KDM2A: variants seen among roughly 807,000 people sequenced by gnomAD.
KDM2A encodes lysine-specific demethylase 2A.
KDM2A carries 3 observed loss-of-function variants against 137.3 expected under a neutral mutation model. That is an observed-to-expected ratio of 0.02 (90% CI 0.01 to 0.06). KDM2A has a LOEUF of 0.06. KDM2A is among the 10% of genes least tolerant of loss of function. The pLI, the probability that KDM2A is intolerant of heterozygous loss-of-function variation, is 1.00. For missense variants in KDM2A, 738 were observed against 1,510.6 expected (o/e 0.49, Z 8.48); for synonymous variants, 512 against 541.5 (o/e 0.95, Z 0.76).
intron 5 of KDM2A, among the ~76,000 whole-genome samples, chr11:67,188,370 G>A (rs1011937424): frequency 5.3e-5 from 8 of 151,394 alleles, no homozygotes; most frequent in Middle Eastern, 6.8e-3. Context: ...TAGTCCCAGC[G>A]ACTCGGGAGG....
chr11:67,149,783 C>A (rs1198399776), intron 2 of KDM2A, among the ~76,000 whole-genome samples: 1 of 148,502 alleles, frequency 6.7e-6, no homozygotes, highest in Non-Finnish European at 1.5e-5. Context: ...TGCGATGATA[C>A]GATCTCGGCT....
intron 5 of KDM2A, among the ~76,000 whole-genome samples, chr11:67,204,775 G>C (rs1304644089): frequency 6.6e-6 from 1 of 152,122 alleles, no homozygotes; most frequent in Non-Finnish European, 1.5e-5. Flanking sequence ...ACAGGCGTGA[G>C]CCACCAAACC....
At position 67,247,067 on chromosome 11, in the gene KDM2A, A is replaced by ATTT. The variant is rs1224405381; in HGVS notation, c.1965+952_1965+953insTTT. Among the ~76,000 whole-genome samples the ATTT allele has an allele frequency of 5.1e-3, 139 of 27,502 alleles. 1 individual carries two copies. Among genetic ancestry groups the ATTT allele is most frequent in the African/African-American group, 0.016 (106 of 6,764 alleles). 18.0% of individuals were successfully genotyped at this position (27,502 alleles called of 152,430 possible). ...TATATATATATATATATATATATAT[A>ATTT]TATATTTTTTTTTTTTTTTTTTTTT... On this transcript the variant is annotated intron_variant, in intron 15 of 20. Transcript: ENST00000529006.
rs202214740 is a variant in KDM2A, at chr11:67,231,818, G to T, written c.1337G>T (p.Arg446Leu). ...GQVWDPQCAP[R>L]KDRQVHLTHF... ...GTGTGGGATCCCCAGTGTGCTCCCC[G>T]AAAGGACAGGCAAGTGCATCTGACC... is the stretch of plus-strand genomic sequence containing the variant. The change falls in exon 12 of 21, where the codon CGA becomes CTA. Residue 446 changes from arginine (R) to leucine (L), a missense_variant. By Grantham distance (102) the Arg-to-Leu change is moderately radical. This residue lies in a region of KDM2A where 113 missense variants were observed against 133.5 expected (regional missense o/e 0.85). Coordinates refer to ENST00000529006, the MANE Select transcript of KDM2A (RefSeq NM_012308.3). 3.7e-6 allele frequency: 6 copies of T among 1,614,040 alleles called. No individual in the cohort carries two copies. The Admixed American group carries it at 1.0e-4, about 27-fold the overall frequency.
intron 2 of KDM2A, among the ~76,000 whole-genome samples, chr11:67,122,926 C>T (rs1318752625): frequency 2.0e-5 from 3 of 150,106 alleles, no homozygotes; most frequent in Non-Finnish European, 4.4e-5. Flanking sequence ...CTGCCCGCCT[C>T]GGCCACCCAA....
At position 67,254,281 on chromosome 11, in the gene KDM2A, G is replaced by A; in HGVS notation, c.3170G>A (p.Arg1057His). ...AGLDITDATL[R>H]LIIRHMPLLS... ...CTTGACATCACAGATGCCACGCTTCGCCTCATAATTCGCCACATGCCCCTC... is the reference window on the plus strand; with the variant it reads ...CTTGACATCACAGATGCCACGCTTCACCTCATAATTCGCCACATGCCCCTC... The change falls in exon 20 of 21, where the codon CGC (arginine) becomes CAC (histidine). Residue 1057 changes from arginine to histidine, a missense_variant. Coordinates refer to ENST00000529006, the MANE Select transcript of KDM2A (RefSeq NM_012308.3). This position sits in a 1 kb window ranked among gnomAD's most constrained non-coding sequence, Gnocchi z 4.7. 6.2e-7 allele frequency: 1 copy of A among 1,613,960 alleles called. No homozygotes were observed. The highest frequency in any genetic ancestry group is 8.5e-7 in the Non-Finnish European group (1 of 1,179,886).
At chr11:67,253,721 T>C in intron 19 of KDM2A, 110 bp downstream of exon 19, 1 of 1,136,880 alleles carries the variant, frequency 8.8e-7, no homozygotes, top group East Asian at 2.4e-5. Flanking sequence ...TGTGGAAGAA[T>C]AGAAGAGCAC....
Position 67,209,151 on chromosome 11 carries a change from T to C in KDM2A, c.486+1463T>C, listed in dbSNP as rs192102284. ...TTTCATCATGTTGGCCAGGCTGGTC[T>C]TGAACTCCTGACCTCAAGTGATCGA... On this transcript the variant is annotated intron_variant, in intron 6 of 20. Transcript: ENST00000529006. Among the ~76,000 whole-genome samples the C allele has an allele frequency of 2.1e-4, 32 of 152,082 alleles. No individual in the cohort carries two copies. In the East Asian group the frequency reaches 5.8e-3, roughly 28 times the overall value.
rs1859378920 is a variant in KDM2A at position 67,250,383 on chromosome 11, G to C, written c.2353G>C (p.Glu785Gln). 1 of 1,613,902 alleles carries C rather than the reference G, an allele frequency of 6.2e-7. No individual in the cohort carries two copies. Among genetic ancestry groups the C allele is most frequent in the African/African-American group, 1.3e-5 (1 of 74,938 alleles). Residue 785 changes from glutamate (E) to glutamine (Q), a missense_variant, in exon 17 of 21, where the codon GAG (glutamate) becomes CAG (glutamine). Around this residue, in one of 9 missense-constraint regions of KDM2A, gnomAD observed 244 missense variants for 324.6 expected, o/e 0.75. Coordinates refer to ENST00000529006, the MANE Select transcript of KDM2A (RefSeq NM_012308.3). The surrounding 1 kb of genome is among the most constrained non-coding windows in gnomAD (Gnocchi z 7.1). Reference protein sequence around the residue: ...EKENNPSGKKELSEVEKAKIR... With the variant: ...EKENNPSGKKQLSEVEKAKIR... ...GGAGAACAATCCCAGCGGCAAAAAG[G>C]AGCTGTCTGAAGTTGAGAAAGCCAA...
chr11:67,209,961 G>A (rs746697074), intron 6 of KDM2A, among the ~76,000 whole-genome samples: 5 of 152,056 alleles, frequency 3.3e-5, no homozygotes, highest in Non-Finnish European at 5.9e-5. Flanking sequence ...TCAAGAGACC[G>A]AGGTGGGAGG....
intron 2 of KDM2A, among the ~76,000 whole-genome samples, chr11:67,160,274 C>G (rs1038071257): frequency 2.6e-5 from 4 of 152,172 alleles, no homozygotes; most frequent in African/African-American, 2.4e-5. Flanking sequence ...ATTGATGTCT[C>G]TGGGTATGCT....
At chr11:67,170,398 T>C (rs1856856101) in intron 2 of KDM2A, among the ~76,000 whole-genome samples, 1 of 146,256 alleles carries the variant, frequency 6.8e-6, no homozygotes, top group Admixed American at 6.7e-5. Flanking sequence ...TTTTTTTTTT[T>C]TCTTTCTTTC....
intron 1 of KDM2A, among the ~76,000 whole-genome samples, chr11:67,121,017 A>G (rs1855586889): frequency 6.6e-6 from 1 of 152,136 alleles, no homozygotes; most frequent in Admixed American, 6.6e-5. Flanking sequence ...ACTGAAACCA[A>G]CATCTCGTTT....
At chr11:67,147,829 C>T (rs1856290783) in intron 2 of KDM2A, among the ~76,000 whole-genome samples, 1 of 151,750 alleles carries the variant, frequency 6.6e-6, no homozygotes, top group South Asian at 2.1e-4. Flanking sequence ...AGGCGCCTGC[C>T]ACCACACCCA....
At chr11:67,207,915 C>T (rs1259104327) in intron 6 of KDM2A, among the ~76,000 whole-genome samples, 1 of 151,958 alleles carries the variant, frequency 6.6e-6, no homozygotes, top group Non-Finnish European at 1.5e-5. Flanking sequence ...TCTGTAGTTC[C>T]AGCTACTCAA....
rs1360656620 is a variant in KDM2A, at chr11:67,258,020, GTTTTGTTTTTGTTTGGGGGT to G, written c.*2976_*2995del. Reference sequence around the variant, plus strand: ...TCCAATGGGAAATATTTTAATTTAGGTTTTGTTTTTGTTTGGGGGTTTTTGTTTTTTTAAAAAAATAAAAA... The same window carrying G: ...TCCAATGGGAAATATTTTAATTTAGGTTTTGTTTTTTTAAAAAAATAAAAA... On this transcript the variant is annotated 3_prime_UTR_variant, in exon 21 of 21. Coordinates refer to ENST00000529006, the MANE Select transcript of KDM2A (RefSeq NM_012308.3). 2 of 152,098 alleles carry G rather than the reference GTTTTGTTTTTGTTTGGGGGT, an allele frequency of 1.3e-5. No homozygotes were observed. Among genetic ancestry groups the G allele is most frequent in the African/African-American group, 4.8e-5 (2 of 41,402 alleles). The allele number at this position is 152,098 out of a possible 1,614,324, so 9.4% of individuals were successfully genotyped here.
chr11:67,171,920 A>G (rs576060275), intron 2 of KDM2A, among the ~76,000 whole-genome samples: 3 of 152,348 alleles, frequency 2.0e-5, no homozygotes, highest in South Asian at 2.1e-4. Context: ...AAACACCAGT[A>G]CCACCCAGTC....
chr11:67,241,550 T>A (rs539959265), intron 12 of KDM2A, among the ~76,000 whole-genome samples: 1 of 152,098 alleles, frequency 6.6e-6, no homozygotes, highest in South Asian at 2.1e-4. Flanking sequence ...TGAGAAAAAT[T>A]ATTAGCAATG....
At chr11:67,188,046 G>A (rs1857250997) in intron 5 of KDM2A, among the ~76,000 whole-genome samples, 1 of 152,070 alleles carries the variant, frequency 6.6e-6, no homozygotes, top group South Asian at 2.1e-4. Context: ...AATAATAATA[G>A]TAATTTTAAA....
Sources: gnomAD v4.1 joint callset for allele counts (sites outside exome capture counted in the v4.1 genomes callset) on GRCh38, gnomAD v4.1.1 for gene constraint, gnomAD v4.1.1 regional missense constraint, Gnocchi (gnomAD v3.1) non-coding constraint, MANE v1.5 for transcripts, NCBI Gene and HGNC (gene_info 2026-07-23, HGNC 2026-07-21) for gene names.